MAP4: variants seen among roughly 807,000 people sequenced by gnomAD.
MAP4 encodes the protein microtubule-associated protein 4.
MAP4 carries 76 observed loss-of-function variants against 170.2 expected under a neutral mutation model. That is an observed-to-expected ratio of 0.45 (90% CI 0.37 to 0.54). The LOEUF (loss-of-function observed/expected upper bound fraction) is 0.54, where lower values mean the gene tolerates loss of function less well. Ranked by LOEUF, MAP4 falls within the 20% of genes least tolerant of loss-of-function variation. The pLI is 0.00. For synonymous variants in MAP4, 909 were observed against 994.5 expected, an observed-to-expected ratio of 0.91 and a Z score of 1.62; for missense variants, 2,506 against 2,748.0, an observed-to-expected ratio of 0.91 and a Z score of 1.97.
At chr3:48,065,587 A>AT (rs1191521389) in intron 1 of MAP4, among the ~76,000 whole-genome samples, 1 of 152,228 alleles carries the variant, frequency 6.6e-6, no homozygotes, top group Non-Finnish European at 1.5e-5. Flanking sequence ...AGCGGACTAT[A>AT]TAGAAGCCTG....
At chr3:47,992,295 C>T (rs1291811718) in intron 2 of MAP4, among the ~76,000 whole-genome samples, 4 of 152,124 alleles carry the variant, frequency 2.6e-5, no homozygotes, top group Admixed American at 2.6e-4. Context: ...AAGGCGGCTT[C>T]CTTCGTTTTT....
At chr3:47,908,765 G>A (rs1452043448) in intron 9 of MAP4, among the ~76,000 whole-genome samples, 1 of 152,122 alleles carries the variant, frequency 6.6e-6, no homozygotes, top group East Asian at 1.9e-4. Flanking sequence ...TCTTTTGTTA[G>A]ACAATTCATT....
intron 17 of MAP4, among the ~76,000 whole-genome samples, chr3:47,866,442 A>C (rs937540892): frequency 5.9e-5 from 9 of 151,302 alleles, no homozygotes; most frequent in Non-Finnish European, 1.2e-4. Flanking sequence ...GAAAATGGAC[A>C]AAAAAAAGGA....
intron 3 of MAP4, among the ~76,000 whole-genome samples, chr3:47,963,989 G>A (rs2100073278): frequency 6.6e-6 from 1 of 152,228 alleles, no homozygotes; most frequent in South Asian, 2.1e-4. Context: ...CTAGTGCTCA[G>A]AGCTCAAGGC....
chr3:47,978,019 C>T (rs780068607), intron 2 of MAP4, 86 bp from the exon 3 acceptor site: 3 of 881,148 alleles, frequency 3.4e-6, no homozygotes, highest in South Asian at 1.4e-5. Flanking sequence ...TGGAGTTTTT[C>T]TCACTCTTTG....
intron 1 of MAP4, among the ~76,000 whole-genome samples, chr3:48,014,919 T>C (rs11130152): frequency 0.61 from 92,880 of 152,108 alleles, 29,669 homozygotes; most frequent in East Asian, 0.72. Flanking sequence ...TTCTTGGTTC[T>C]GGTGTGAAAA....
rs374208589 is a variant in MAP4 at position 47,863,937 on chromosome 3, T to TGTGTGTGTGTGGGG, written c.6501+3308_6501+3309insCCCCACACACACAC. 5.7e-3 allele frequency among the ~76,000 whole-genome samples: 790 copies of TGTGTGTGTGTGGGG among 138,444 alleles called. 11 individuals carry two copies. The highest frequency in any genetic ancestry group is 0.02 in the South Asian group (86 of 4,236). 90.8% of individuals were successfully genotyped at this position (138,444 alleles called of 152,430 possible). On this transcript the variant is annotated intron_variant, in intron 17 of 20. Coordinates refer to ENST00000683076, the MANE Select transcript of MAP4 (RefSeq NM_001385682.1). ...GTGGGTGTGGGTGTGTGTGTGTGTG[T>TGTGTGTGTGTGGGG]GGGGAGTGGTGGGGGGTGTAATGCT... is the stretch of plus-strand genomic sequence containing the variant.
rs1419024030 is a variant in MAP4 at position 47,910,046 on chromosome 3, C to G, written c.4375G>C (p.Asp1459His). ...QVVKEGDSFP[D>H]TLAKNGQEIA... ...TCTTGCCCATTTTTTGCCAAGGTAT[C>G]TGGAAAGGAATCACCTTCCTTTACT... Residue 1459 changes from aspartate (D) to histidine (H), a missense_variant, in exon 9 of 21, where the codon GAT becomes CAT. By Grantham distance (81) the Asp-to-His change is moderately conservative. Around this residue, in one of 3 missense-constraint regions of MAP4, gnomAD observed 2,008 missense variants for 2,206.0 expected, o/e 0.91. Transcript: ENST00000683076. The G allele has an allele frequency of 6.2e-7, 1 of 1,613,974 alleles. No individual in the cohort carries two copies. The highest frequency in any genetic ancestry group is 1.1e-5 in the South Asian group (1 of 91,066).
chr3:47,931,730 A>G (rs2100049965), intron 3 of MAP4: 2 of 151,240 alleles, frequency 1.3e-5, no homozygotes, highest in African/African-American at 2.4e-5. Context: ...TCTGGGCTCA[A>G]GCAGTTCTCT....
At chr3:47,889,826 G>A (rs950407656) in intron 10 of MAP4, among the ~76,000 whole-genome samples, 1 of 151,882 alleles carries the variant, frequency 6.6e-6, no homozygotes, top group African/African-American at 2.4e-5. Context: ...CTGAATGCTT[G>A]TAATTCTGGA....
intron 1 of MAP4, among the ~76,000 whole-genome samples, chr3:48,061,852 C>T (rs1579703867): frequency 1.3e-5 from 2 of 150,180 alleles, no homozygotes; most frequent in African/African-American, 2.4e-5. Context: ...GGGCAGCCCC[C>T]GCCCGGCCAG....
intron 1 of MAP4, among the ~76,000 whole-genome samples, chr3:48,087,741 A>ACGCGCGCGCACACACACACACGCG (rs5848844): frequency 2.4e-5 from 3 of 125,256 alleles, no homozygotes; most frequent in Admixed American, 8.0e-5. Flanking sequence ...ACACACACGC[A>ACGCGCGCGCACACACACACACGCG]CGCGCACACA....
chr3:47,911,722 T>C lies in MAP4; in HGVS notation c.2699A>G (p.Glu900Gly). ...NQDKKLLKQH[E>G]YKPQPAPHLK... ...GTGGGGTGCAGGCTGTGGTTTGTAT[T>C]CATGTTGCTTCAGCAATTTCTTGTC... Residue 900 changes from glutamate (E) to glycine (G), a missense_variant, in exon 9 of 21, where the codon GAA (glutamate) becomes GGA (glycine). Physicochemically the swap from Glu to Gly is moderately conservative, Grantham distance 98 (BLOSUM62 -2). Transcript: ENST00000683076. This position sits in a 1 kb window ranked among gnomAD's most constrained non-coding sequence, Gnocchi z 4.0. 1 of 1,536,156 alleles carries C rather than the reference T, an allele frequency of 6.5e-7. No homozygotes were observed.
intron 1 of MAP4, among the ~76,000 whole-genome samples, chr3:48,070,883 C>T (rs2100140656): frequency 6.6e-6 from 1 of 150,786 alleles, no homozygotes; most frequent in Admixed American, 6.6e-5. Flanking sequence ...GGTCCAGGTC[C>T]ATATGGTGGT....
rs768746113 is a variant in MAP4 at position 47,871,920 on chromosome 3, T to C, written c.5938A>G (p.Thr1980Ala). 1 of 1,608,966 alleles carries C rather than the reference T, an allele frequency of 6.2e-7. No homozygotes were observed. The highest frequency in any genetic ancestry group is 1.3e-5 in the African/African-American group (1 of 74,824). Residue 1980 changes from threonine to alanine, a missense_variant, in exon 13 of 21, where the codon ACT (threonine) becomes GCT (alanine). Coordinates refer to ENST00000683076, the MANE Select transcript of MAP4 (RefSeq NM_001385682.1). ...SPSTLLPKKP[T>A]AIKTEGKPAE... is the part of the protein sequence containing the mutation. ...GGGAGAGAAAGGCAATACTCACCAG[T>C]GGGCTTCTTGGGCAGGAGCGTGGAG... is the stretch of plus-strand genomic sequence containing the variant.
At chr3:47,963,312 C>A (rs2100072820) in intron 3 of MAP4, among the ~76,000 whole-genome samples, 1 of 152,180 alleles carries the variant, frequency 6.6e-6, no homozygotes, top group Non-Finnish European at 1.5e-5. Context: ...ATTCTAATAT[C>A]ATCTTACATT....
intron 5 of MAP4, among the ~76,000 whole-genome samples, chr3:47,919,770 T>C (rs934979067): frequency 6.6e-6 from 1 of 152,128 alleles, no homozygotes; most frequent in African/African-American, 2.4e-5. Flanking sequence ...AAAATATTAA[T>C]GATTGAACTC....
intron 10 of MAP4, among the ~76,000 whole-genome samples, chr3:47,890,836 A>G (rs1378339987): frequency 3.9e-5 from 6 of 152,168 alleles, no homozygotes; most frequent in Non-Finnish European, 8.8e-5. Flanking sequence ...TTGACCCTGC[A>G]AGATTCACTT....
chr3:47,969,290 C>T (rs1694999689), intron 3 of MAP4, among the ~76,000 whole-genome samples: 2 of 152,032 alleles, frequency 1.3e-5, no homozygotes, highest in South Asian at 4.1e-4. Context: ...AGCCTGTAAC[C>T]CCAGCTACTC....
Sources: allele counts gnomAD v4.1 joint callset (sites outside exome capture counted in the v4.1 genomes callset), GRCh38; gene constraint gnomAD v4.1.1; regional missense constraint gnomAD v4.1.1; non-coding constraint Gnocchi (gnomAD v3.1); transcripts MANE v1.5; gene names NCBI Gene and HGNC (gene_info 2026-07-23, HGNC 2026-07-21).